Variants in SYNE2 observed in about 807,000 individuals in gnomAD.
SYNE2 encodes the protein spectrin repeat containing nuclear envelope protein 2, also known as nesprin-2.
Under a neutral mutation model 856.3 loss-of-function variants are expected in SYNE2, and 431 were observed. The ratio of observed to expected loss-of-function variants is 0.50; its 90% confidence interval spans 0.47 to 0.55. SYNE2 has a LOEUF of 0.55. SYNE2 is among the 20% of genes least tolerant of loss of function. The pLI, the probability that SYNE2 is intolerant of heterozygous loss-of-function variation, is 0.00. For missense variants in SYNE2, 8,129 were observed against 8,023.2 expected, an observed-to-expected ratio of 1.01 and a Z score of -0.50; for synonymous variants, 2,923 against 2,872.3, an observed-to-expected ratio of 1.02 and a Z score of -0.56.
At position 64,016,484 on chromosome 14, in the gene SYNE2, CAAA is replaced by C. The variant is rs1259545493; in HGVS notation, c.4741_4743del (p.Lys1581del). 2 of 1,585,712 alleles carry C rather than the reference CAAA, an allele frequency of 1.3e-6. No individual in the cohort carries two copies. Among genetic ancestry groups the C allele is most frequent in the Non-Finnish European group, 1.7e-6 (2 of 1,163,660 alleles). On this transcript the variant is annotated inframe_deletion, in exon 33 of 116. Transcript: ENST00000555002. ...TATCTTTTTTACAGATTGAAATTGT[CAAA>C]GAAGAATTTAATGAGCATTTAGAAG...
intron 1 of SYNE2, among the ~76,000 whole-genome samples, chr14:63,815,439 T>C (rs1352214356): frequency 6.6e-6 from 1 of 151,774 alleles, no homozygotes; most frequent in African/African-American, 2.4e-5. Flanking sequence ...TAGGCCAGTC[T>C]AGTGTTTTCA....
In SYNE2 at chr14:63,954,866, C is replaced by T. The variant is rs575795574; in HGVS notation, c.738C>T (p.Phe246=). 1 of 1,613,806 alleles carries T rather than the reference C, an allele frequency of 6.2e-7. No individual in the cohort carries two copies. Among genetic ancestry groups the T allele is most frequent in the East Asian group, 2.2e-5 (1 of 44,860 alleles). The stretch of plus-strand genomic sequence containing the variant: ...ACAAAGACAATCTGAGAGAGGCCTT[C>T]AGAATTGCAGAACAAGAATTAAAAA... ...RSNKDNLREA[F]RIAEQELKIP... Residue 246 remains phenylalanine, a synonymous_variant, in exon 8 of 116, where the codon TTC becomes TTT. Coordinates refer to ENST00000555002, the MANE Select transcript of SYNE2 (RefSeq NM_182914.3).
intron 34 of SYNE2, among the ~76,000 whole-genome samples, chr14:64,018,600 T>C (rs111764539): frequency 0.038 from 5,713 of 152,330 alleles, 350 homozygotes; most frequent in African/African-American, 0.13. Flanking sequence ...GATCATTTGT[T>C]TCTGCCACAA....
chr14:63,796,123 T>C (rs1887906068), intron 1 of SYNE2, among the ~76,000 whole-genome samples: 1 of 152,194 alleles, frequency 6.6e-6, no homozygotes, highest in Non-Finnish European at 1.5e-5. Flanking sequence ...GGCATTTGGT[T>C]CCAGTGGCCA....
chr14:63,816,226 C>T (rs1450405041), intron 1 of SYNE2, among the ~76,000 whole-genome samples: 3 of 152,054 alleles, frequency 2.0e-5, no homozygotes, highest in South Asian at 2.1e-4. Flanking sequence ...GGATTACAGG[C>T]GTGAGCCACC....
At chr14:64,007,266 G>A (rs373957894) in intron 31 of SYNE2, 44 bp downstream of exon 31, 1 of 1,577,320 alleles carries the variant, frequency 6.3e-7, no homozygotes, top group Non-Finnish European at 8.7e-7. Flanking sequence ...AAAATTGTCT[G>A]TAGCACAATT....
chr14:63,805,681 A>G (rs1425318803), intron 1 of SYNE2, among the ~76,000 whole-genome samples: 1 of 152,140 alleles, frequency 6.6e-6, no homozygotes, highest in Non-Finnish European at 1.5e-5. Context: ...CCATCACTGT[A>G]GAGATCTTTC....
At chr14:64,141,889 G>C in intron 81 of SYNE2, 53 bp from the exon 82 acceptor site, 1 of 1,586,702 alleles carries the variant, frequency 6.3e-7, no homozygotes, top group South Asian at 1.1e-5. Context: ...GTGATGCTCT[G>C]ATTCATTTTG....
chr14:64,136,335 T>C (rs527464721), intron 78 of SYNE2, among the ~76,000 whole-genome samples: 13 of 151,456 alleles, frequency 8.6e-5, no homozygotes, highest in African/African-American at 3.1e-4. Flanking sequence ...ATTAAGACTT[T>C]TCAGAGATGT....
chr14:64,035,514 C>CG (rs2097080159), intron 45 of SYNE2, among the ~76,000 whole-genome samples: 1 of 54,258 alleles, frequency 1.8e-5, no homozygotes, highest in African/African-American at 5.3e-5. Context: ...TTACATGGTA[C>CG]ATTTTTTTTT....
At chr14:64,123,261 C>T (rs2097912282) in intron 70 of SYNE2, among the ~76,000 whole-genome samples, 1 of 152,194 alleles carries the variant, frequency 6.6e-6, no homozygotes, top group South Asian at 2.1e-4. Flanking sequence ...CCGTCACAGG[C>T]TCTATCAGGC....
intron 11 of SYNE2, among the ~76,000 whole-genome samples, chr14:63,974,884 GTGTGTGTGTATATATA>G (rs1258390116): frequency 3.3e-4 from 9 of 27,292 alleles, no homozygotes; most frequent in African/African-American, 1.1e-3. Context: ...GTGTGTGTGT[GTGTGTGTGTATATATA>G]TATATATATA....
At chr14:64,216,042 G>C in intron 107 of SYNE2, 1 of 1,484,096 alleles carries the variant, frequency 6.7e-7, no homozygotes. Context: ...GTCGTGCTCC[G>C]TTGTGTACCC....
chr14:63,796,371 C>G (rs888154466), intron 1 of SYNE2, among the ~76,000 whole-genome samples: 5 of 152,068 alleles, frequency 3.3e-5, no homozygotes, highest in South Asian at 4.2e-4. Flanking sequence ...GCAGGAGAAT[C>G]GCTTGAACCC....
At chr14:63,820,589 C>T (rs1889176861) in intron 1 of SYNE2, among the ~76,000 whole-genome samples, 1 of 152,034 alleles carries the variant, frequency 6.6e-6, no homozygotes, top group Non-Finnish European at 1.5e-5. Flanking sequence ...AAAAACACTG[C>T]TAAGGAATGA....
chr14:63,955,006 G>A, intron 8 of SYNE2, 91 bp downstream of exon 8: 1 of 1,084,590 alleles, frequency 9.2e-7, no homozygotes. Flanking sequence ...AAACATAGTG[G>A]CACTCTATTT....
intron 51 of SYNE2, among the ~76,000 whole-genome samples, chr14:64,066,598 T>C (rs139549369): frequency 6.6e-6 from 1 of 152,328 alleles, no homozygotes; most frequent in African/African-American, 2.4e-5. Context: ...TCCTTAAAAA[T>C]GAATTTTATG....
At position 63,777,017 on chromosome 14, in the gene SYNE2, A is replaced by T. The variant is rs189090366; in HGVS notation, c.-305+15031A>T. On this transcript the variant is annotated intron_variant, in intron 1 of 23. Coordinates refer to the SYNE2 transcript ENST00000674003. ...TTAGAGACTCCTAGAGATTTTCTAA[A>T]CTAGGATTTGCAATTGTTTTTAAAA... Among the ~76,000 whole-genome samples the T allele has an allele frequency of 6.6e-5, 10 of 152,326 alleles. No individual in the cohort carries two copies. The East Asian group carries it at 1.9e-3, about 29-fold the overall frequency.
chr14:64,144,117 AAG>A (rs2098162731), intron 83 of SYNE2, among the ~76,000 whole-genome samples, 169 bp downstream of exon 83: 1 of 152,206 alleles, frequency 6.6e-6, no homozygotes, highest in African/African-American at 2.4e-5. Flanking sequence ...TGGTACCTAT[AAG>A]AGAATATAAA....
Sources: gnomAD v4.1 joint callset for allele counts (sites outside exome capture counted in the v4.1 genomes callset) on GRCh38, gnomAD v4.1.1 for gene constraint, MANE v1.5 for transcripts, NCBI Gene and HGNC (gene_info 2026-07-23, HGNC 2026-07-21) for gene names.